Variants in CADPS observed in about 807,000 individuals in gnomAD.
The protein encoded by CADPS is calcium-dependent secretion activator 1.
CADPS carries 57 observed loss-of-function variants against 167.3 expected under a neutral mutation model. That is an observed-to-expected ratio of 0.34 (90% CI 0.28 to 0.42). CADPS has a LOEUF of 0.42. Ranked by LOEUF, CADPS falls within the 20% of genes least tolerant of loss-of-function variation. The pLI, the probability that CADPS is intolerant of heterozygous loss-of-function variation, is 1.00. For synonymous variants in CADPS, 676 were observed against 635.3 expected (o/e 1.06, Z -0.96); for missense variants, 1,414 against 1,738.1 (o/e 0.81, Z 3.32).
intron 7 of CADPS, among the ~76,000 whole-genome samples, chr3:62,587,414 G>A (rs925132198): frequency 6.6e-6 from 1 of 152,146 alleles, no homozygotes. Flanking sequence ...ACCACATCCC[G>A]AGGCCTGACA....
At chr3:62,537,081 T>C (rs760082516) in intron 11 of CADPS, among the ~76,000 whole-genome samples, 3 of 152,178 alleles carry the variant, frequency 2.0e-5, no homozygotes, top group Non-Finnish European at 2.9e-5. Context: ...CAAATCCCCA[T>C]TGCCAATTTG....
chr3:62,683,922 G>A (rs562670335), intron 3 of CADPS, among the ~76,000 whole-genome samples: 2 of 152,120 alleles, frequency 1.3e-5, no homozygotes, highest in South Asian at 4.1e-4. Flanking sequence ...CATATCAAAG[G>A]TATATGCTGT....
At chr3:62,449,234 A>G (rs1280425736) in intron 26 of CADPS, among the ~76,000 whole-genome samples, 1 of 152,240 alleles carries the variant, frequency 6.6e-6, no homozygotes, top group Non-Finnish European at 1.5e-5. Context: ...GAGAAGCTCA[A>G]ACAGAGGCTA....
intron 28 of CADPS, among the ~76,000 whole-genome samples, chr3:62,405,763 C>T (rs1439316883): frequency 6.6e-6 from 1 of 152,166 alleles, no homozygotes; most frequent in Non-Finnish European, 1.5e-5. Flanking sequence ...ATTGGCTACA[C>T]ATTTAAAGAG....
rs76015942 is a variant in CADPS at position 62,494,111 on chromosome 3, T to C, written c.2707-446A>G. On this transcript the variant is annotated intron_variant, in intron 18 of 29. Transcript: ENST00000383710. The stretch of plus-strand genomic sequence containing the variant: ...TTAGAATTTCCTGAGAAAGTTGAGA[T>C]CAAGTTAAATATATTACATAAGAGA... Among the ~76,000 whole-genome samples the C allele has an allele frequency of 4.8e-3, 733 of 152,298 alleles. 11 individuals carry two copies. The highest frequency in any genetic ancestry group is 0.017 in the African/African-American group (697 of 41,550).
At chr3:62,430,608 C>T (rs2053723591) in intron 28 of CADPS, among the ~76,000 whole-genome samples, 1 of 152,048 alleles carries the variant, frequency 6.6e-6, no homozygotes, top group African/African-American at 2.4e-5. Flanking sequence ...GGACTGAATA[C>T]ATGGTTTTCC....
At chr3:62,628,596 ACT>A (rs57090374) in intron 6 of CADPS, among the ~76,000 whole-genome samples, 18 of 138,222 alleles carry the variant, frequency 1.3e-4, no homozygotes, top group African/African-American at 3.2e-4. Flanking sequence ...ACACACACAC[ACT>A]CTCTCTCTCT....
intron 5 of CADPS, among the ~76,000 whole-genome samples, chr3:62,647,509 T>A (rs1252162043): frequency 6.6e-6 from 1 of 152,222 alleles, no homozygotes; most frequent in Admixed American, 6.5e-5. Context: ...ATTGTACTAC[T>A]CGCGTGATGT....
At chr3:62,470,735 G>A (rs1479199976) in intron 24 of CADPS, 2 of 152,098 alleles carry the variant, frequency 1.3e-5, no homozygotes, top group Non-Finnish European at 2.9e-5. Context: ...ATCTCTCTAA[G>A]ATGGCTTGGG....
intron 3 of CADPS, among the ~76,000 whole-genome samples, chr3:62,706,757 A>G (rs1195971434): frequency 6.6e-6 from 1 of 152,056 alleles, no homozygotes; most frequent in African/African-American, 2.4e-5. Context: ...ATATCATCAT[A>G]ATGGATTAGG....
intron 1 of CADPS, among the ~76,000 whole-genome samples, chr3:62,859,850 GAA>G (rs1420153355): frequency 6.6e-6 from 1 of 152,118 alleles, no homozygotes. Flanking sequence ...TGCCTTATAG[GAA>G]AACACATCAC....
intron 6 of CADPS, among the ~76,000 whole-genome samples, chr3:62,623,347 C>A (rs1034933300): frequency 6.6e-6 from 1 of 152,130 alleles, no homozygotes; most frequent in African/African-American, 2.4e-5. Flanking sequence ...GACAGAGAGA[C>A]AGGGAGTTGA....
rs751832932 is a variant in CADPS at position 62,557,544 on chromosome 3, C to T, written c.1645-31G>A. 23 of 1,532,156 alleles carry T rather than the reference C, an allele frequency of 1.5e-5. No individual in the cohort carries two copies. The East Asian group carries it at 4.5e-4, about 30-fold the overall frequency. The allele number at this position is 1,532,156 out of a possible 1,614,324, so 94.9% of individuals were successfully genotyped here. A position where few individuals can be genotyped will look rare whatever the true frequency, so the allele number is the denominator to read the frequency against. ...AAGGAAAAGCAGATTGTGAGGTTGA[C>T]CCCTGGAGCCTGTCTTCTCCAAAAA... On this transcript the variant is annotated intron_variant, in intron 9 of 29. Coordinates refer to ENST00000383710, the MANE Select transcript of CADPS (RefSeq NM_003716.4).
At chr3:62,857,839 A>C (rs893970123) in intron 1 of CADPS, among the ~76,000 whole-genome samples, 9 of 152,070 alleles carry the variant, frequency 5.9e-5, no homozygotes, top group African/African-American at 2.4e-5. Context: ...TATTTTAATG[A>C]ATTCATTTTG....
At chr3:62,642,638 T>C (rs1302974511) in intron 6 of CADPS, among the ~76,000 whole-genome samples, 1 of 152,192 alleles carries the variant, frequency 6.6e-6, no homozygotes, top group East Asian at 1.9e-4. Context: ...CCAGGTGCAG[T>C]GGCCCATGCC....
At chr3:62,483,715 G>C (rs952418718) in intron 21 of CADPS, among the ~76,000 whole-genome samples, 1 of 152,072 alleles carries the variant, frequency 6.6e-6, no homozygotes, top group Non-Finnish European at 1.5e-5. Context: ...CCTTTTATGT[G>C]TCTCTGTTTA....
At chr3:62,830,151 C>T (rs2074814105) in intron 1 of CADPS, among the ~76,000 whole-genome samples, 2 of 152,154 alleles carry the variant, frequency 1.3e-5, no homozygotes, top group Non-Finnish European at 2.9e-5. Context: ...CAAGCATCTT[C>T]AGGTAATATA....
chr3:62,415,076 T>C (rs1434652050), intron 28 of CADPS, among the ~76,000 whole-genome samples: 1 of 152,288 alleles, frequency 6.6e-6, no homozygotes, highest in South Asian at 2.1e-4. Context: ...TTAATTTCTT[T>C]TCTTTCTCTG....
At chr3:62,411,107 A>AAAAC (rs376384009) in intron 28 of CADPS, among the ~76,000 whole-genome samples, 63 of 152,234 alleles carry the variant, frequency 4.1e-4, no homozygotes, top group Middle Eastern at 6.8e-3. Context: ...TGTCTCTGAA[A>AAAAC]AAACAAACAA....
Sources: gnomAD v4.1 joint callset for allele counts (sites outside exome capture counted in the v4.1 genomes callset) on GRCh38, gnomAD v4.1.1 for gene constraint, MANE v1.5 for transcripts, NCBI Gene and HGNC (gene_info 2026-07-23, HGNC 2026-07-21) for gene names.